NCOA7: variants seen among roughly 807,000 people sequenced by gnomAD.
NCOA7 encodes 140 kDa estrogen receptor-associated protein.
A neutral mutation model predicts 104.3 loss-of-function variants in NCOA7; 45 were observed. The observed-to-expected ratio is 0.43, with a 90% CI of 0.34 to 0.55. NCOA7 has a LOEUF of 0.55. NCOA7 is among the 20% of genes least tolerant of loss of function. The probability of loss-of-function intolerance (pLI) is 0.02; values close to 1 mark genes in which losing one functional copy is unlikely to be tolerated. For missense variants in NCOA7, 1,041 were observed against 1,119.7 expected (o/e 0.93, Z 1.00); for synonymous variants, 398 against 402.3 (o/e 0.99, Z 0.13).
At chr6:125,795,700 C>G (rs1775251772) in intron 1 of NCOA7, among the ~76,000 whole-genome samples, 1 of 152,174 alleles carries the variant, frequency 6.6e-6, no homozygotes, top group African/African-American at 2.4e-5. Context: ...CCCTGTAAAA[C>G]ATTTCCATCA....
chr6:125,814,736 A>G lies in NCOA7; in HGVS notation c.-64-555A>G, dbSNP rs550658357. ...GAGGGAGACGCAAGGGTTTAAAGCC[A>G]TGCTGAGGAACAGCTTCCTGTGTCT... On this transcript the variant is annotated intron_variant, in intron 1 of 15. Transcript: ENST00000392477. 7.2e-5 allele frequency among the ~76,000 whole-genome samples: 11 copies of G among 152,338 alleles called. No individual in the cohort carries two copies. The South Asian group carries it at 2.3e-3, about 32-fold the overall frequency.
At chr6:125,923,071 A>G (rs1469141977) in intron 13 of NCOA7, among the ~76,000 whole-genome samples, 1 of 152,226 alleles carries the variant, frequency 6.6e-6, no homozygotes, top group African/African-American at 2.4e-5. Flanking sequence ...AATGGATCAT[A>G]CTTCCAAATA....
chr6:125,850,790 T>A (rs972440936), intron 2 of NCOA7, among the ~76,000 whole-genome samples: 4 of 152,180 alleles, frequency 2.6e-5, no homozygotes, highest in Non-Finnish European at 5.9e-5. Context: ...AGCCAATACA[T>A]CAGAATCAGC....
chr6:125,785,413 A>G (rs1390821465), intron 1 of NCOA7, among the ~76,000 whole-genome samples: 2 of 152,210 alleles, frequency 1.3e-5, no homozygotes, highest in Non-Finnish European at 2.9e-5. Context: ...TGATATTGTA[A>G]TGTAATTTTG....
chr6:125,884,935 G>A (rs1403824602), intron 7 of NCOA7, among the ~76,000 whole-genome samples: 5 of 152,220 alleles, frequency 3.3e-5, no homozygotes, highest in African/African-American at 1.2e-4. Flanking sequence ...ACCAGGCTCA[G>A]CTGGTTGCCT....
At chr6:125,815,436 T>C (rs1777498587) in intron 2 of NCOA7, 32 bp downstream of exon 2, 1 of 1,571,246 alleles carries the variant, frequency 6.4e-7, no homozygotes, top group South Asian at 1.2e-5. Flanking sequence ...TTGTTATCAG[T>C]ACTTTAAAGA....
Position 125,920,985 on chromosome 6 carries a change from A to G in NCOA7, c.2287A>G (p.Ser763Gly). ...EEAKRRKSTC[S>G]YYEDEDEEVL... ...GGCAAAGCGCAGGAAGAGCACATGCAGCTACTATGAAGACGAGGACGAAGA... is the reference window on the plus strand; with the variant it reads ...GGCAAAGCGCAGGAAGAGCACATGCGGCTACTATGAAGACGAGGACGAAGA... The change falls in exon 12 of 16, where the codon AGC (serine) becomes GGC (glycine). Residue 763 changes from serine to glycine, a missense_variant. Transcript: ENST00000392477. The G allele has an allele frequency of 6.2e-7, 1 of 1,613,854 alleles. No homozygotes were observed. Among genetic ancestry groups the G allele is most frequent in the Non-Finnish European group, 8.5e-7 (1 of 1,179,812 alleles).
At chr6:125,913,554 A>G (rs1786781515) in intron 10 of NCOA7, 1 of 627,836 alleles carries the variant, frequency 1.6e-6, no homozygotes, top group Non-Finnish European at 2.0e-6. Flanking sequence ...CATAGTATCT[A>G]TCAATATCTA....
chr6:125,881,521 A>G (rs1273803924), intron 6 of NCOA7, among the ~76,000 whole-genome samples: 2 of 152,052 alleles, frequency 1.3e-5, no homozygotes, highest in African/African-American at 4.8e-5. Context: ...TATTTTAAAA[A>G]TTAGCCAGAC....
rs1238591955 is a variant in NCOA7, at chr6:125,920,946, A to G, written c.2248A>G (p.Ile750Val). 5.6e-6 allele frequency: 9 copies of G among 1,612,818 alleles called. No individual in the cohort carries two copies. The East Asian group carries it at 6.7e-5, about 12-fold the overall frequency. Residue 750 changes from isoleucine (I) to valine (V), a missense_variant, in exon 12 of 16, where the codon ATC (isoleucine) becomes GTC (valine). Transcript: ENST00000392477. ...SEPTTKSWEI[I>V]TVEEAKRRKS... The stretch of plus-strand genomic sequence containing the variant: ...TTGGCTTGTTTTCTCATTTCAGATC[A>G]TCACTGTTGAAGAGGCAAAGCGCAG...
chr6:125,918,239 G>T (rs1441093124), intron 11 of NCOA7, among the ~76,000 whole-genome samples: 1 of 152,072 alleles, frequency 6.6e-6, no homozygotes, highest in East Asian at 1.9e-4. Context: ...TCACCTGCTG[G>T]AGACTGTGAG....
At chr6:125,884,906 T>C (rs1784133869) in intron 7 of NCOA7, among the ~76,000 whole-genome samples, 1 of 152,222 alleles carries the variant, frequency 6.6e-6, no homozygotes, top group African/African-American at 2.4e-5. Context: ...AACTGTGCTG[T>C]TGCAGCAGCT....
At chr6:125,820,168 T>C (rs1204997057) in intron 2 of NCOA7, among the ~76,000 whole-genome samples, 1 of 152,202 alleles carries the variant, frequency 6.6e-6, no homozygotes, top group South Asian at 2.1e-4. Flanking sequence ...CAGCACCACC[T>C]CTGTCATCAT....
At chr6:125,890,506 C>A in intron 9 of NCOA7, 136 bp from the exon 10 acceptor site, 1 of 848,926 alleles carries the variant, frequency 1.2e-6, no homozygotes, top group Non-Finnish European at 1.7e-6. Context: ...ATTTATTAGT[C>A]CTGATACGAT....
intron 10 of NCOA7, among the ~76,000 whole-genome samples, chr6:125,914,281 C>T (rs17053688): frequency 0.16 from 23,860 of 152,110 alleles, 2,064 homozygotes; most frequent in African/African-American, 0.25. Flanking sequence ...AACATGACTA[C>T]AAGGACTAGC....
At chr6:125,920,626 A>G (rs1245784645) in intron 11 of NCOA7, among the ~76,000 whole-genome samples, 1 of 152,164 alleles carries the variant, frequency 6.6e-6, no homozygotes, top group Non-Finnish European at 1.5e-5. Flanking sequence ...GGCTAGTCTC[A>G]AACTCCTGGG....
rs989304683 is a variant in NCOA7 at position 125,855,160 on chromosome 6, T to C, written c.191T>C (p.Met64Thr). The change falls in exon 3 of 16, where the codon ATG becomes ACG. Residue 64 changes from methionine to threonine, a missense_variant. Around this residue, in one of 2 missense-constraint regions of NCOA7, gnomAD observed 914 missense variants for 942.7 expected, o/e 0.97. Coordinates refer to ENST00000392477, the MANE Select transcript of NCOA7 (RefSeq NM_181782.5). Reference sequence around the variant, plus strand: ...AACATTGCTGTGGAAGAGGAATATATGACTGATGAGAAAAAAAAGAGAAAA... The same window carrying C: ...AACATTGCTGTGGAAGAGGAATATACGACTGATGAGAAAAAAAAGAGAAAA... ...KCNIAVEEEYMTDEKKKRKSN... is the reference protein window; with the variant it reads ...KCNIAVEEEYTTDEKKKRKSN... 4 of 1,613,218 alleles carry C rather than the reference T, an allele frequency of 2.5e-6. No individual in the cohort carries two copies. Among genetic ancestry groups the C allele is most frequent in the Middle Eastern group, 1.7e-4 (1 of 6,058 alleles).
intron 1 of NCOA7, chr6:125,798,225 G>T (rs541102719): frequency 1.3e-5 from 2 of 152,302 alleles, no homozygotes; most frequent in Admixed American, 6.5e-5. Context: ...TCTCTGAGAG[G>T]CTACTGATAT....
At chr6:125,785,347 A>C (rs988650415) in intron 1 of NCOA7, among the ~76,000 whole-genome samples, 25 of 152,206 alleles carry the variant, frequency 1.6e-4, no homozygotes, top group Admixed American at 6.5e-5. Context: ...CAAGAAAAAA[A>C]ACTGGTGAGA....
Sources: gnomAD v4.1 joint callset for allele counts (sites outside exome capture counted in the v4.1 genomes callset) on GRCh38, gnomAD v4.1.1 for gene constraint, gnomAD v4.1.1 regional missense constraint, MANE v1.5 for transcripts, NCBI Gene and HGNC (gene_info 2026-07-23, HGNC 2026-07-21) for gene names.